Variants in MYO6 observed in about 807,000 individuals in gnomAD.
MYO6 encodes the protein unconventional myosin-VI.
In MYO6, 74 loss-of-function variants were observed where a neutral mutation model predicts 178.7. The ratio of observed to expected loss-of-function variants is 0.41; its 90% CI spans 0.34 to 0.50. The LOEUF (loss-of-function observed/expected upper bound fraction) is 0.50. Ranked by LOEUF, MYO6 falls within the 20% of genes least tolerant of loss-of-function variation. The pLI, the probability that MYO6 is intolerant of heterozygous loss-of-function variation, is 0.09. For synonymous variants in MYO6, 477 were observed against 504.6 expected (o/e 0.95, Z 0.73); for missense variants, 1,330 against 1,547.4 (o/e 0.86, Z 2.36).
At chr6:75,795,436 C>G (rs1351313985) in intron 1 of MYO6, among the ~76,000 whole-genome samples, 1 of 152,016 alleles carries the variant, frequency 6.6e-6, no homozygotes, top group Non-Finnish European at 1.5e-5. Flanking sequence ...TCAGTATGAT[C>G]GATTATTTTT....
intron 1 of MYO6, among the ~76,000 whole-genome samples, chr6:75,811,489 ATGTTAGC>A (rs1431869295): frequency 1.3e-5 from 2 of 152,310 alleles, no homozygotes; most frequent in East Asian, 3.9e-4. Flanking sequence ...TGAAGGAGCA[ATGTTAGC>A]TGTGTGTGTG....
chr6:75,834,039 A>G (rs1013239150), intron 6 of MYO6, among the ~76,000 whole-genome samples: 4 of 152,274 alleles, frequency 2.6e-5, no homozygotes, highest in Admixed American at 2.6e-4. Flanking sequence ...TTCCTTAAGA[A>G]TCTCACATTT....
chr6:75,891,626 C>T (rs1778913078), intron 27 of MYO6, among the ~76,000 whole-genome samples: 1 of 151,230 alleles, frequency 6.6e-6, no homozygotes, highest in South Asian at 2.1e-4. Flanking sequence ...AGCGAGACTC[C>T]ATCTCAAAAA....
chr6:75,754,992 G>T (rs1048483359), intron 1 of MYO6, among the ~76,000 whole-genome samples: 7 of 152,206 alleles, frequency 4.6e-5, no homozygotes, highest in African/African-American at 1.7e-4. Flanking sequence ...CACTTTGGGA[G>T]GCTGAGGTTG....
intron 25 of MYO6, among the ~76,000 whole-genome samples, chr6:75,888,179 A>G (rs1206927721): frequency 6.6e-6 from 1 of 151,438 alleles, no homozygotes; most frequent in Admixed American, 6.6e-5. Context: ...AGTTCCAGCT[A>G]CTTGAGGCAG....
At chr6:75,877,953 A>C (rs1343014581) in intron 20 of MYO6, among the ~76,000 whole-genome samples, 1 of 152,208 alleles carries the variant, frequency 6.6e-6, no homozygotes, top group East Asian at 1.9e-4. Flanking sequence ...ATACATTTCC[A>C]AAGGTACTTG....
chr6:75,792,398 C>G (rs1337485906), intron 1 of MYO6, among the ~76,000 whole-genome samples: 2 of 152,036 alleles, frequency 1.3e-5, no homozygotes, highest in African/African-American at 4.8e-5. Flanking sequence ...GGACTGTATA[C>G]TTATTTTTTA....
rs1449648876 is a variant in MYO6, at chr6:75,918,816, G to A, written c.*3804G>A. 1 of 152,116 alleles carries A rather than the reference G, an allele frequency of 6.6e-6. No individual in the cohort carries two copies. Among genetic ancestry groups the A allele is most frequent in the Non-Finnish European group, 1.5e-5 (1 of 68,016 alleles). The allele number at this position is 152,116 out of a possible 1,614,324, so 9.4% of individuals were successfully genotyped here. A position where few individuals can be genotyped will look rare whatever the true frequency, so the allele number is the denominator to read the frequency against. On this transcript the variant is annotated 3_prime_UTR_variant, in exon 35 of 35. Transcript: ENST00000369977. ...AAAGGAGAATCTTCAGTACAAATTT[G>A]TTTTTTTAAAAATAGATTTAGGGCT... is the stretch of plus-strand genomic sequence containing the variant.
intron 32 of MYO6, among the ~76,000 whole-genome samples, chr6:75,910,864 G>A (rs940250098): frequency 3.9e-5 from 6 of 152,070 alleles, no homozygotes; most frequent in Non-Finnish European, 7.4e-5. Flanking sequence ...AGGAAGTGCT[G>A]TGTAGTCTAA....
At chr6:75,818,851 A>C (rs1771565950) in intron 2 of MYO6, among the ~76,000 whole-genome samples, 1 of 152,094 alleles carries the variant, frequency 6.6e-6, no homozygotes, top group South Asian at 2.1e-4. Context: ...ATTTGTACTT[A>C]AAATTCAGTA....
At chr6:75,888,411 T>C (rs567969022) in intron 25 of MYO6, among the ~76,000 whole-genome samples, 15 of 152,210 alleles carry the variant, frequency 9.9e-5, no homozygotes, top group Middle Eastern at 3.4e-3. Flanking sequence ...GCTCAGGAGT[T>C]AGAGACCAAC....
rs569060057 is a variant in MYO6 at position 75,904,486 on chromosome 6, C to T, written c.3177-3119C>T. Among the ~76,000 whole-genome samples, 7 of 152,078 alleles carry T rather than the reference C, an allele frequency of 4.6e-5. No individual in the cohort carries two copies. The East Asian group carries it at 1.4e-3, about 29-fold the overall frequency. ...GCTTCATTTCATTCATTTCATCTTC[C>T]ATCGCTGATACCCTTTCTTCCAGTT... is the stretch of plus-strand genomic sequence containing the variant. On this transcript the variant is annotated intron_variant, in intron 30 of 34. Transcript: ENST00000369977.
intron 23 of MYO6, among the ~76,000 whole-genome samples, chr6:75,885,592 G>C (rs906594162): frequency 3.3e-5 from 5 of 152,012 alleles, no homozygotes; most frequent in Admixed American, 2.0e-4. Flanking sequence ...GATTACAGGC[G>C]CCCGCCACCA....
intron 12 of MYO6, among the ~76,000 whole-genome samples, chr6:75,856,549 G>A (rs979459607): frequency 6.0e-5 from 9 of 149,792 alleles, no homozygotes; most frequent in Non-Finnish European, 1.3e-4. Flanking sequence ...TTAGCATGGT[G>A]TTTGGAAATT....
intron 1 of MYO6, among the ~76,000 whole-genome samples, chr6:75,787,676 TTCTCTC>T (rs765565236): frequency 0.011 from 274 of 24,916 alleles, 4 homozygotes; most frequent in Middle Eastern, 0.056. Context: ...AATGGAACTA[TTCTCTC>T]TCTCTCTCTC....
chr6:75,845,461 G>C (rs902672850), intron 10 of MYO6, among the ~76,000 whole-genome samples: 1 of 152,160 alleles, frequency 6.6e-6, no homozygotes, highest in African/African-American at 2.4e-5. Context: ...GGGAGGCCAA[G>C]GCGGGAGGAT....
At chr6:75,869,288 A>G (rs1159808840) in intron 18 of MYO6, among the ~76,000 whole-genome samples, 8 of 152,032 alleles carry the variant, frequency 5.3e-5, no homozygotes, top group Non-Finnish European at 1.2e-4. Context: ...ATTCCATTTT[A>G]ATAACTTAAG....
intron 1 of MYO6, among the ~76,000 whole-genome samples, chr6:75,807,943 C>G (rs1204807579): frequency 6.6e-6 from 1 of 151,738 alleles, no homozygotes; most frequent in Non-Finnish European, 1.5e-5. Flanking sequence ...ACCTCCTATT[C>G]AAGATGGAGT....
intron 1 of MYO6, among the ~76,000 whole-genome samples, chr6:75,767,101 C>T (rs899193988): frequency 4.6e-5 from 7 of 152,036 alleles, no homozygotes; most frequent in African/African-American, 1.7e-4. Flanking sequence ...TCTTGGCTCA[C>T]TGCCACCTCT....
Sources: allele counts gnomAD v4.1 joint callset (sites outside exome capture counted in the v4.1 genomes callset), GRCh38; gene constraint gnomAD v4.1.1; transcripts MANE v1.5; gene names NCBI Gene and HGNC (gene_info 2026-07-23, HGNC 2026-07-21).